The following TRAF3IP2 variants were observed in gnomAD, a reference collection of about 807,000 sequenced individuals.
The protein encoded by TRAF3IP2 is E3 ubiquitin ligase TRAF3IP2.
Under a neutral mutation model 57.9 loss-of-function variants are expected in TRAF3IP2, and 35 were observed. The ratio of observed to expected loss-of-function variants is 0.60; its 90% confidence interval spans 0.46 to 0.80. The LOEUF is 0.80. Ranked by LOEUF, TRAF3IP2 falls within the 30% of genes least tolerant of loss-of-function variation. TRAF3IP2 has a pLI of 0.00. For synonymous variants in TRAF3IP2, 251 were observed against 268.9 expected (o/e 0.93, Z 0.65); for missense variants, 556 against 706.4 (o/e 0.79, Z 2.41).
At chr6:111,602,974 C>T (rs917621698) in intron 1 of TRAF3IP2, among the ~76,000 whole-genome samples, 1 of 152,076 alleles carries the variant, frequency 6.6e-6, no homozygotes, top group African/African-American at 2.4e-5. Flanking sequence ...ATCAGGGAAC[C>T]AAGCCAAACC....
At chr6:111,589,224 CTAAT>C (rs1442890932) in intron 2 of TRAF3IP2, among the ~76,000 whole-genome samples, 1 of 151,940 alleles carries the variant, frequency 6.6e-6, no homozygotes, top group Non-Finnish European at 1.5e-5. Context: ...CAACAACTGG[CTAAT>C]TCTTTTTGTA....
intron 7 of TRAF3IP2, among the ~76,000 whole-genome samples, chr6:111,565,656 T>G (rs755219448): frequency 4.6e-5 from 7 of 152,052 alleles, no homozygotes; most frequent in Non-Finnish European, 1.0e-4. Flanking sequence ...AGAAGGAGGA[T>G]TCGTAGCCCA....
intron 5 of TRAF3IP2, 59 bp downstream of exon 5, chr6:111,572,836 T>A: frequency 7.5e-7 from 1 of 1,331,748 alleles, no homozygotes; most frequent in Non-Finnish European, 1.1e-6. Flanking sequence ...CTTCTGCTGC[T>A]TTTCTCTCCA....
chr6:111,559,237 G>T lies in TRAF3IP2; in HGVS notation c.*168C>A. 1.2e-6 allele frequency: 1 copy of T among 846,392 alleles called. No homozygotes were observed. The highest frequency in any genetic ancestry group is 1.7e-5 in the African/African-American group (1 of 59,146). 52.4% of individuals were successfully genotyped at this position (846,392 alleles called of 1,614,324 possible). ...CACTTCAAAGCCAGGGTGTGTGGAG[G>T]TCTCCGGGGAAGAGCTCTGCACAAC... On this transcript the variant is annotated 3_prime_UTR_variant, in exon 9 of 9. Transcript: ENST00000368761.
chr6:111,591,840 G>T lies in TRAF3IP2; in HGVS notation c.247C>A (p.Leu83Met). The T allele has an allele frequency of 6.2e-7, 1 of 1,614,264 alleles. No individual in the cohort carries two copies. Among genetic ancestry groups the T allele is most frequent in the Non-Finnish European group, 8.5e-7 (1 of 1,180,050 alleles). The part of the protein sequence containing the change: ...QRPVSRQVTC[L>M]RTQVLEDSED... Reference sequence around the variant, plus strand: ...CTGTCCTCCAGAACTTGAGTGCGCAGGCAGGTGACCTGCCGGGATACAGGC... The same window carrying T: ...CTGTCCTCCAGAACTTGAGTGCGCATGCAGGTGACCTGCCGGGATACAGGC... Residue 83 changes from leucine (L) to methionine (M), a missense_variant, in exon 2 of 9, where the codon CTG becomes ATG. Leu to Met is a conservative substitution (Grantham distance 15). Coordinates refer to ENST00000368761, the MANE Select transcript of TRAF3IP2 (RefSeq NM_147686.4). This position sits in a 1 kb window ranked among gnomAD's most constrained non-coding sequence, Gnocchi z 4.9.
chr6:111,567,757 G>A, intron 5 of TRAF3IP2, 65 bp from the exon 6 acceptor site: 3 of 1,344,452 alleles, frequency 2.2e-6, no homozygotes, highest in Non-Finnish European at 3.1e-6. Flanking sequence ...CAGAGCAGAA[G>A]AAAACACAAT....
chr6:111,592,269 A>G (rs1796549048), intron 1 of TRAF3IP2, among the ~76,000 whole-genome samples, 175 bp from the exon 2 acceptor site: 1 of 152,274 alleles, frequency 6.6e-6, no homozygotes, highest in Non-Finnish European at 1.5e-5. Flanking sequence ...AGGCAAAAGC[A>G]CTAATGCTTA....
chr6:111,587,943 A>G (rs78548584), intron 2 of TRAF3IP2, among the ~76,000 whole-genome samples: 6,573 of 152,256 alleles, frequency 0.043, 261 homozygotes, highest in African/African-American at 0.099. Context: ...TAATGTTTCT[A>G]TAGGACAGAT....
intron 2 of TRAF3IP2, among the ~76,000 whole-genome samples, chr6:111,588,147 CTT>C (rs1796396861): frequency 6.6e-6 from 1 of 152,206 alleles, no homozygotes; most frequent in Admixed American, 6.5e-5. Flanking sequence ...GAAAAGGTAT[CTT>C]TAAGAATTTT....
Position 111,591,663 on chromosome 6 carries a change from C to T in TRAF3IP2, c.424G>A (p.Val142Ile). The T allele has an allele frequency of 6.2e-7, 1 of 1,614,210 alleles. No individual in the cohort carries two copies. Residue 142 changes from valine to isoleucine, a missense_variant, in exon 2 of 9, where the codon GTA becomes ATA. Around this residue, in one of 2 missense-constraint regions of TRAF3IP2, gnomAD observed 428 missense variants for 498.7 expected, o/e 0.86. Coordinates refer to ENST00000368761, the MANE Select transcript of TRAF3IP2 (RefSeq NM_147686.4). This position sits in a 1 kb window ranked among gnomAD's most constrained non-coding sequence, Gnocchi z 4.9. ...SFMEKRNQWL[V>I]SQLSAASPDT... ...GGAGAAGCCGCTGAAAGCTGAGATA[C>T]CAGCCATTGATTACGTTTTTCCATA...
chr6:111,588,915 C>G (rs916766520), intron 2 of TRAF3IP2, among the ~76,000 whole-genome samples: 4 of 151,670 alleles, frequency 2.6e-5, no homozygotes, highest in African/African-American at 9.7e-5. Flanking sequence ...AAAATATATG[C>G]AAAGAAAAAA....
intron 1 of TRAF3IP2, chr6:111,600,639 TATTTTTTTTAAG>T (rs1226071330): frequency 1.3e-5 from 2 of 152,274 alleles, no homozygotes; most frequent in African/African-American, 2.4e-5. Flanking sequence ...TTTTTATTTT[TATTTTTTTTAAG>T]AAAAGACACC....
chr6:111,565,314 G>C (rs989040742), intron 7 of TRAF3IP2: 1 of 152,240 alleles, frequency 6.6e-6, no homozygotes, highest in African/African-American at 2.4e-5. Flanking sequence ...CAGCCTGACT[G>C]TGCCCTCCCC....
At chr6:111,603,269 G>A (rs1041176058) in intron 1 of TRAF3IP2, among the ~76,000 whole-genome samples, 1 of 152,164 alleles carries the variant, frequency 6.6e-6, no homozygotes, top group South Asian at 2.1e-4. Flanking sequence ...ACAACGCATT[G>A]GGAAGAAACA....
intron 2 of TRAF3IP2, among the ~76,000 whole-genome samples, chr6:111,582,270 T>C (rs1396840192): frequency 6.6e-6 from 1 of 152,240 alleles, no homozygotes; most frequent in East Asian, 1.9e-4. Context: ...CCAGTCATGC[T>C]TCTTCTGGCA....
At position 111,557,516 on chromosome 6, in the gene TRAF3IP2, G is replaced by C. The variant is rs1480308012; in HGVS notation, c.*1889C>G. The C allele has an allele frequency of 7.3e-6, 1 of 137,296 alleles. No homozygotes were observed. Among genetic ancestry groups the C allele is most frequent in the Non-Finnish European group, 1.5e-5 (1 of 65,840 alleles). 8.5% of individuals were successfully genotyped at this position (137,296 alleles called of 1,614,324 possible). On this transcript the variant is annotated 3_prime_UTR_variant, in exon 9 of 9. Coordinates refer to ENST00000368761, the MANE Select transcript of TRAF3IP2 (RefSeq NM_147686.4). ...GCAATCTCGGCTCACTGCAAGCTCCGCCTCCCGGGTTGACACCATTTTCCT... is the reference window on the plus strand; with the variant it reads ...GCAATCTCGGCTCACTGCAAGCTCCCCCTCCCGGGTTGACACCATTTTCCT...
intron 8 of TRAF3IP2, among the ~76,000 whole-genome samples, chr6:111,560,985 C>G (rs1795412550): frequency 6.6e-6 from 1 of 152,144 alleles, no homozygotes; most frequent in South Asian, 2.1e-4. Flanking sequence ...AGTTCAAGAC[C>G]AGCCTGGCCA....
At chr6:111,568,840 CT>C (rs1013788054) in intron 5 of TRAF3IP2, among the ~76,000 whole-genome samples, 35 of 152,328 alleles carry the variant, frequency 2.3e-4, no homozygotes, top group Admixed American at 2.2e-3. Flanking sequence ...ACAAACCCCC[CT>C]GCTCTGTGAA....
intron 1 of TRAF3IP2, among the ~76,000 whole-genome samples, chr6:111,598,850 C>T (rs1463877216): frequency 2.6e-5 from 4 of 152,112 alleles, no homozygotes; most frequent in African/African-American, 7.2e-5. Flanking sequence ...CTCATGACAC[C>T]GCCCAGGAGA....
Sources: allele counts gnomAD v4.1 joint callset (sites outside exome capture counted in the v4.1 genomes callset), GRCh38; gene constraint gnomAD v4.1.1; regional missense constraint gnomAD v4.1.1; non-coding constraint Gnocchi (gnomAD v3.1); transcripts MANE v1.5; gene names NCBI Gene and HGNC (gene_info 2026-07-23, HGNC 2026-07-21).